CTNNA3: variants seen among roughly 807,000 people sequenced by gnomAD.
CTNNA3 encodes the protein catenin alpha-3.
CTNNA3 carries 76 observed loss-of-function variants against 95.7 expected under a neutral mutation model. The ratio of observed to expected loss-of-function variants is 0.79; its 90% CI spans 0.66 to 0.96. The LOEUF is 0.96. Ranked by LOEUF, CTNNA3 falls within the 40% of genes least tolerant of loss-of-function variation. The pLI is 0.00. For missense variants in CTNNA3, 1,191 were observed against 1,089.8 expected (o/e 1.09, Z -1.31); for synonymous variants, 431 against 374.4 (o/e 1.15, Z -1.74).
intron 11 of CTNNA3, among the ~76,000 whole-genome samples, chr10:66,454,837 G>GGGAGGAGGA (rs2093485830): frequency 7.3e-6 from 1 of 136,728 alleles, no homozygotes; most frequent in African/African-American, 2.7e-5. Context: ...GGGGAGGAGG[G>GGGAGGAGGA]GAAGAAAGGG....
At chr10:67,488,732 C>T (rs923072826) in intron 5 of CTNNA3, among the ~76,000 whole-genome samples, 5 of 146,022 alleles carry the variant, frequency 3.4e-5, no homozygotes, top group African/African-American at 8.0e-5. Flanking sequence ...TGCAATGGCA[C>T]GATCTCAGCT....
At chr10:67,256,870 A>G (rs1321437438) in intron 5 of CTNNA3, among the ~76,000 whole-genome samples, 1 of 152,146 alleles carries the variant, frequency 6.6e-6, no homozygotes, top group African/African-American at 2.4e-5. Context: ...TTTTAGTGAA[A>G]TTTTTAGAAC....
intron 12 of CTNNA3, among the ~76,000 whole-genome samples, chr10:66,373,594 A>G (rs2092770118): frequency 5.4e-5 from 2 of 36,698 alleles, no homozygotes; most frequent in African/African-American, 1.9e-4. Context: ...ATGCTCTCTA[A>G]TTGTGTTAAA....
intron 9 of CTNNA3, among the ~76,000 whole-genome samples, chr10:66,632,434 A>G (rs144456237): frequency 6.6e-6 from 1 of 151,822 alleles, no homozygotes; most frequent in Non-Finnish European, 1.5e-5. Context: ...GCATGCCTGT[A>G]ATCCCAGCTA....
At chr10:66,396,423 C>G (rs73305261) in intron 11 of CTNNA3, among the ~76,000 whole-genome samples, 2,581 of 152,022 alleles carry the variant, frequency 0.017, 73 homozygotes, top group African/African-American at 0.06. Context: ...ATTGAAATAA[C>G]TTAGTACAAT....
chr10:66,595,268 T>C (rs1843674550), intron 10 of CTNNA3, among the ~76,000 whole-genome samples: 1 of 152,086 alleles, frequency 6.6e-6, no homozygotes, highest in Non-Finnish European at 1.5e-5. Flanking sequence ...AAGATGCATT[T>C]AGTTTGAATG....
intron 1 of CTNNA3, among the ~76,000 whole-genome samples, chr10:67,743,859 C>G (rs575165643): frequency 6.6e-6 from 1 of 150,922 alleles, no homozygotes; most frequent in South Asian, 2.1e-4. Context: ...ACACCAATAA[C>G]AGACAAACAG....
intron 12 of CTNNA3, among the ~76,000 whole-genome samples, chr10:66,312,061 G>A (rs2092028627): frequency 6.6e-6 from 1 of 152,152 alleles, no homozygotes; most frequent in Non-Finnish European, 1.5e-5. Flanking sequence ...AGCTTTTGTA[G>A]TTATAATAAT....
chr10:66,153,951 A>G (rs2133912378), intron 13 of CTNNA3, among the ~76,000 whole-genome samples: 1 of 151,740 alleles, frequency 6.6e-6, no homozygotes, highest in East Asian at 1.9e-4. Flanking sequence ...GGGCTGGACC[A>G]TTTGAAACTT....
At chr10:67,111,732 C>G (rs956312616) in intron 7 of CTNNA3, among the ~76,000 whole-genome samples, 2 of 151,916 alleles carry the variant, frequency 1.3e-5, no homozygotes, top group Non-Finnish European at 1.5e-5. Context: ...TCCCATTTCT[C>G]TCCAGAGTCA....
At chr10:66,431,077 T>C (rs1589239647) in intron 11 of CTNNA3, among the ~76,000 whole-genome samples, 2 of 148,426 alleles carry the variant, frequency 1.3e-5, no homozygotes, top group Admixed American at 1.3e-4. Flanking sequence ...CATCAAAAAG[T>C]GGGCAAAGGA....
chr10:67,272,111 A>C (rs1275421554), intron 5 of CTNNA3, among the ~76,000 whole-genome samples: 3 of 152,216 alleles, frequency 2.0e-5, no homozygotes, highest in Non-Finnish European at 4.4e-5. Flanking sequence ...TTAGGAGTTC[A>C]TGGACTGAAC....
chr10:66,841,354 T>C (rs4746639), intron 7 of CTNNA3, among the ~76,000 whole-genome samples: 40,024 of 152,120 alleles, frequency 0.26, 6,424 homozygotes, highest in Non-Finnish European at 0.38. Flanking sequence ...TGAGGAGTTA[T>C]AATAGTTGCA....
chr10:66,997,969 A>G (rs1352222412), intron 7 of CTNNA3, among the ~76,000 whole-genome samples: 1 of 152,100 alleles, frequency 6.6e-6, no homozygotes, highest in African/African-American at 2.4e-5. Context: ...CTGCTTCATC[A>G]TTCATCACTT....
At chr10:66,510,613 T>C (rs940304219) in intron 11 of CTNNA3, among the ~76,000 whole-genome samples, 7 of 151,868 alleles carry the variant, frequency 4.6e-5, no homozygotes, top group African/African-American at 1.7e-4. Flanking sequence ...AAAGGGATGA[T>C]GAATTTTATT....
intron 3 of CTNNA3, among the ~76,000 whole-genome samples, chr10:67,574,604 G>A (rs189855140): frequency 0.014 from 1,927 of 141,276 alleles, 57 homozygotes; most frequent in African/African-American, 0.048. Context: ...TTTTTGAGAC[G>A]GAGTCTCCCA....
At chr10:66,046,646 C>G (rs566438334) in intron 15 of CTNNA3, among the ~76,000 whole-genome samples, 1 of 151,162 alleles carries the variant, frequency 6.6e-6, no homozygotes, top group South Asian at 2.1e-4. Context: ...AATCAAGACA[C>G]GCAAAAAATT....
chr10:66,616,404 C>T (rs150886053), intron 10 of CTNNA3, among the ~76,000 whole-genome samples: 24 of 152,166 alleles, frequency 1.6e-4, no homozygotes, highest in African/African-American at 2.4e-4. Flanking sequence ...TTTTGCCCCT[C>T]GGGGCCCTTC....
intron 17 of CTNNA3, among the ~76,000 whole-genome samples, chr10:65,959,491 G>A (rs576103879): frequency 6.6e-6 from 1 of 152,244 alleles, no homozygotes; most frequent in African/African-American, 2.4e-5. Flanking sequence ...GCTGTGGACT[G>A]GAGCTGTTTC....
Sources: allele counts gnomAD v4.1 joint callset (sites outside exome capture counted in the v4.1 genomes callset), GRCh38; gene constraint gnomAD v4.1.1; transcripts MANE v1.5; gene names NCBI Gene and HGNC (gene_info 2026-07-23, HGNC 2026-07-21).